The following INTS5 variants were observed in gnomAD, a reference collection of about 807,000 sequenced individuals.
The protein encoded by INTS5 is KIAA1698.
In INTS5, 29 loss-of-function variants were observed where a neutral mutation model predicts 60.0. That is an observed-to-expected ratio of 0.48 (90% CI 0.36 to 0.66). The LOEUF (loss-of-function observed/expected upper bound fraction) is 0.66. INTS5 is among the 30% of genes least tolerant of loss of function. The probability of loss-of-function intolerance (pLI) is 0.00; values close to 1 mark genes in which losing one functional copy is unlikely to be tolerated. For synonymous variants in INTS5, 588 were observed against 558.8 expected, an observed-to-expected ratio of 1.05 and a Z score of -0.74; for missense variants, 1,129 against 1,307.9, an observed-to-expected ratio of 0.86 and a Z score of 2.11.
Position 62,648,850 on chromosome 11 carries a change from C to T in INTS5, c.1230G>A (p.Leu410=), listed in dbSNP as rs1203881180. 1.2e-6 allele frequency: 2 copies of T among 1,613,864 alleles called. No individual in the cohort carries two copies. The highest frequency in any genetic ancestry group is 1.7e-6 in the Non-Finnish European group (2 of 1,180,040). ...GAGAYRLLQF[L]VDTAMPASVI... ...CCGAAGCAGGCATAGCTGTGTCCAC[C>T]AGGAACTGCAGCAAGCGGTAGGCAC... Residue 410 remains leucine (L), a synonymous_variant, in exon 2 of 2, where the codon CTG becomes CTA. Transcript: ENST00000330574. This position sits in a 1 kb window ranked among gnomAD's most constrained non-coding sequence, Gnocchi z 4.4.
intron 1 of INTS5, among the ~76,000 whole-genome samples, chr11:62,650,861 C>T (rs1477484445): frequency 6.6e-6 from 1 of 152,088 alleles, no homozygotes; most frequent in Admixed American, 6.6e-5. Flanking sequence ...GCACATGCCA[C>T]GACACCCAGC....
Position 62,649,695 on chromosome 11 carries a change from G to C in INTS5, c.385C>G (p.Leu129Val). The C allele has an allele frequency of 6.2e-7, 1 of 1,614,214 alleles. No individual in the cohort carries two copies. The highest frequency in any genetic ancestry group is 1.3e-5 in the African/African-American group (1 of 75,060). ...EDVVQEVQQV[L>V]SEFIRANPKA... ...GGGTTGGCCCGGATAAACTCAGACA[G>C]CACCTGCTGCACTTCCTGAACCACA... The change falls in exon 2 of 2, where the codon CTG (leucine) becomes GTG (valine). Residue 129 changes from leucine to valine, a missense_variant. This residue lies in a region of INTS5 where 1,070 missense variants were observed against 1,246.1 expected (regional missense o/e 0.86). Coordinates refer to ENST00000330574, the MANE Select transcript of INTS5 (RefSeq NM_030628.2). The surrounding 1 kb of genome is among the most constrained non-coding windows in gnomAD (Gnocchi z 6.0).
rs1944544978 is a variant in INTS5 at position 62,647,860 on chromosome 11, T to C, written c.2220A>G (p.Pro740=). ...AAACTGACCAAATCCCTCCAGGACCTGGCACAGCTGCAGTGTGCCTCCGGT... is the reference window on the plus strand; with the variant it reads ...AAACTGACCAAATCCCTCCAGGACCCGGCACAGCTGCAGTGTGCCTCCGGT... The part of the protein sequence containing the change: ...DTNRRHTAAV[P]GPGGIWSVFH... Residue 740 remains proline (P), a synonymous_variant, in exon 2 of 2, where the codon CCA becomes CCG. Coordinates refer to ENST00000330574, the MANE Select transcript of INTS5 (RefSeq NM_030628.2). 1 of 1,614,088 alleles carries C rather than the reference T, an allele frequency of 6.2e-7. No individual in the cohort carries two copies. The highest frequency in any genetic ancestry group is 1.7e-5 in the Admixed American group (1 of 60,018).
Position 62,653,279 on chromosome 11 carries a change from A to C in INTS5, c.-30T>G, listed in dbSNP as rs1324686570. ...GAGCCCGAGCCGAGCCCGAGGCGCG[A>C]GCGGCGGAGCGCAGGCGGCGCATGC... On this transcript the variant is annotated 5_prime_UTR_variant, in exon 1 of 2. Coordinates refer to ENST00000330574, the MANE Select transcript of INTS5 (RefSeq NM_030628.2). 1 of 1,237,606 alleles carries C rather than the reference A, an allele frequency of 8.1e-7. No individual in the cohort carries two copies. The highest frequency in any genetic ancestry group is 1.0e-6 in the Non-Finnish European group (1 of 983,392). 76.7% of individuals were successfully genotyped at this position (1,237,606 alleles called of 1,614,324 possible).
At position 62,648,175 on chromosome 11, in the gene INTS5, A is replaced by G; in HGVS notation, c.1905T>C (p.Pro635=). ...AASLLAICPF[P]SEALSPSQLL... ...GCTGGGAGGGGGATAAGGCTTCAGA[A>G]GGAAAGGGACAAATGGCCAGGAGAG... The change falls in exon 2 of 2, where the codon CCT becomes CCC. Residue 635 remains proline, a synonymous_variant. Coordinates refer to ENST00000330574, the MANE Select transcript of INTS5 (RefSeq NM_030628.2). The surrounding 1 kb of genome is among the most constrained non-coding windows in gnomAD (Gnocchi z 4.4). 1 of 1,613,372 alleles carries G rather than the reference A, an allele frequency of 6.2e-7. No individual in the cohort carries two copies. Among genetic ancestry groups the G allele is most frequent in the Non-Finnish European group, 8.5e-7 (1 of 1,179,590 alleles).
rs1477416084 is a variant in INTS5 at position 62,649,123 on chromosome 11, A to C, written c.957T>G (p.Asp319Glu). The C allele has an allele frequency of 1.2e-6, 2 of 1,612,558 alleles. No individual in the cohort carries two copies. Among genetic ancestry groups the C allele is most frequent in the Non-Finnish European group, 1.7e-6 (2 of 1,178,742 alleles). ...IRRELLRMFH[D>E]SLAGGSGGRS... is the part of the protein sequence containing the mutation. ...GGCCTCCAGATCCCCCTGCCAGGCTATCATGGAACATTCGCAGGAGCTCCC... is the reference window on the plus strand; with the variant it reads ...GGCCTCCAGATCCCCCTGCCAGGCTCTCATGGAACATTCGCAGGAGCTCCC... Residue 319 changes from aspartate to glutamate, a missense_variant, in exon 2 of 2, where the codon GAT becomes GAG. By Grantham distance (45) the Asp-to-Glu change is conservative. Around this residue, in one of 3 missense-constraint regions of INTS5, gnomAD observed 1,070 missense variants for 1,246.1 expected, o/e 0.86. Transcript: ENST00000330574. The surrounding 1 kb of genome is among the most constrained non-coding windows in gnomAD (Gnocchi z 6.0).
Position 62,649,553 on chromosome 11 carries a change from A to G in INTS5, c.527T>C (p.Leu176Pro). 1 of 1,614,224 alleles carries G rather than the reference A, an allele frequency of 6.2e-7. No individual in the cohort carries two copies. The highest frequency in any genetic ancestry group is 2.2e-5 in the East Asian group (1 of 44,892). The change falls in exon 2 of 2, where the codon CTG becomes CCG. Residue 176 changes from leucine to proline, a missense_variant. Physicochemically the swap from Leu to Pro is moderately conservative, Grantham distance 98 (BLOSUM62 -3). This residue lies in a region of INTS5 where 1,070 missense variants were observed against 1,246.1 expected (regional missense o/e 0.86). Transcript: ENST00000330574. The surrounding 1 kb of genome is among the most constrained non-coding windows in gnomAD (Gnocchi z 6.0). ...VPHATGALNE[L>P]LQLWMGCRAT... Reference sequence around the variant, plus strand: ...CCTACAACCCATCCACAGCTGTAGCAGTTCATTAAGAGCGCCAGTAGCGTG... The same window carrying G: ...CCTACAACCCATCCACAGCTGTAGCGGTTCATTAAGAGCGCCAGTAGCGTG...
chr11:62,652,566 T>TGTCCCAGGGC (rs540683395), intron 1 of INTS5, among the ~76,000 whole-genome samples: 128 of 152,206 alleles, frequency 8.4e-4, no homozygotes, highest in African/African-American at 3.0e-3. Flanking sequence ...GACATCAGGG[T>TGTCCCAGGGC]GTCCCAGGGC....
In INTS5 at chr11:62,647,096, T is replaced by C. The variant is rs781420277; in HGVS notation, c.2984A>G (p.Asn995Ser). ...LAVLHSVLHRNIDRLGLFSGR... is the reference protein window; with the variant it reads ...LAVLHSVLHRSIDRLGLFSGR... ...AGAGAAAAGACCTAGGCGGTCGATG[T>C]TGCGGTGGAGGACACTGTGCAGCAC... is the stretch of plus-strand genomic sequence containing the variant. The change falls in exon 2 of 2, where the codon AAC becomes AGC. Residue 995 changes from asparagine to serine, a missense_variant. Coordinates refer to ENST00000330574, the MANE Select transcript of INTS5 (RefSeq NM_030628.2). 3.1e-6 allele frequency: 5 copies of C among 1,613,976 alleles called. No homozygotes were observed. The highest frequency in any genetic ancestry group is 4.2e-6 in the Non-Finnish European group (5 of 1,180,032).
chr11:62,652,443 C>A (rs77732455), intron 1 of INTS5, among the ~76,000 whole-genome samples: 1,762 of 150,044 alleles, frequency 0.012, 23 homozygotes, highest in African/African-American at 0.028. Context: ...ATTGTAAGCA[C>A]CTTATTAAGG....
intron 1 of INTS5, among the ~76,000 whole-genome samples, chr11:62,650,451 C>A (rs1382261518): frequency 1.3e-4 from 19 of 144,438 alleles, no homozygotes; most frequent in Non-Finnish European, 2.1e-4. Context: ...CTTGCTTTGT[C>A]GCCCAGGCTG....
rs765363475 is a variant in INTS5, at chr11:62,649,127, T to A, written c.953A>T (p.His318Leu). The change falls in exon 2 of 2, where the codon CAT (histidine) becomes CTT (leucine). Residue 318 changes from histidine to leucine, a missense_variant. His to Leu is a moderately conservative substitution (Grantham distance 99). Transcript: ENST00000330574. This position sits in a 1 kb window ranked among gnomAD's most constrained non-coding sequence, Gnocchi z 6.0. ...SIRRELLRMF[H>L]DSLAGGSGGR... Reference sequence around the variant, plus strand: ...TCCAGATCCCCCTGCCAGGCTATCATGGAACATTCGCAGGAGCTCCCGTCG... The same window carrying A: ...TCCAGATCCCCCTGCCAGGCTATCAAGGAACATTCGCAGGAGCTCCCGTCG... 1.2e-6 allele frequency: 2 copies of A among 1,612,482 alleles called. No homozygotes were observed. Among genetic ancestry groups the A allele is most frequent in the Admixed American group, 3.3e-5 (2 of 59,972 alleles).
chr11:62,647,030 T>G lies in INTS5; in HGVS notation c.3050A>C (p.Gln1017Pro). 1 of 1,609,010 alleles carries G rather than the reference T, an allele frequency of 6.2e-7. No homozygotes were observed. The highest frequency in any genetic ancestry group is 1.3e-5 in the African/African-American group (1 of 74,876). ...CAGAGCAAGAAAAGGCTACGTCCCC[T>G]GTCGAAGGAGAGTGGACGGTGAAGG... ...QAPSPSTLLR[Q>P]GT Residue 1017 changes from glutamine (Q) to proline (P), a missense_variant, in exon 2 of 2, where the codon CAG (glutamine) becomes CCG (proline). This residue lies in a region of INTS5 where 1,070 missense variants were observed against 1,246.1 expected (regional missense o/e 0.86). Coordinates refer to ENST00000330574, the MANE Select transcript of INTS5 (RefSeq NM_030628.2).
chr11:62,649,640 C>T lies in INTS5; in HGVS notation c.440G>A (p.Trp147Ter). The change falls in exon 2 of 2, where the codon TGG (tryptophan) becomes TAG (stop). Residue 147 changes from tryptophan to a stop codon, truncating the protein, a stop_gained. Coordinates refer to ENST00000330574, the MANE Select transcript of INTS5 (RefSeq NM_030628.2). LOFTEE classifies it high-confidence loss of function. The surrounding 1 kb of genome is among the most constrained non-coding windows in gnomAD (Gnocchi z 6.0). ...CAGTTGCCCCATGAGGTCAATGGAC[C>T]ATGCACTAATCACAGGTGCCCAGGC... ...PKAWAPVISA[W>*]SIDLMGQLSS... 1 of 1,614,186 alleles carries T rather than the reference C, an allele frequency of 6.2e-7. No homozygotes were observed. Among genetic ancestry groups the T allele is most frequent in the African/African-American group, 1.3e-5 (1 of 75,058 alleles).
At position 62,648,918 on chromosome 11, in the gene INTS5, A is replaced by ACATGTTGT; in HGVS notation, c.1154_1161dup (p.Leu388ThrfsTer4). 6.2e-7 allele frequency: 1 copy of ACATGTTGT among 1,613,334 alleles called. No individual in the cohort carries two copies. Reference sequence around the variant, plus strand: ...CTCACCAGGTGCACAGCCAGGTTCAACATGTTGTCCAGCTCCTCTCGGGGG... The same window carrying ACATGTTGT: ...CTCACCAGGTGCACAGCCAGGTTCAACATGTTGTCATGTTGTCCAGCTCCTCTCGGGGG... On this transcript the variant is annotated frameshift_variant, in exon 2 of 2. Transcript: ENST00000330574. LOFTEE classifies it high-confidence loss of function. The surrounding 1 kb of genome is among the most constrained non-coding windows in gnomAD (Gnocchi z 4.4).
At position 62,648,251 on chromosome 11, in the gene INTS5, AG is replaced by A; in HGVS notation, c.1828del (p.Leu610TrpfsTer12). On this transcript the variant is annotated frameshift_variant, in exon 2 of 2. Coordinates refer to ENST00000330574, the MANE Select transcript of INTS5 (RefSeq NM_030628.2). LOFTEE classifies it high-confidence loss of function. This position sits in a 1 kb window ranked among gnomAD's most constrained non-coding sequence, Gnocchi z 4.4. The stretch of plus-strand genomic sequence containing the variant: ...CTCAGGATGTAGCAGGAGAGGAGCC[AG>A]GTCAGACAGATGGGCTGAGGCAGAT... The part of the protein sequence containing the change: ...GESASAHLSD[L>X]APLLLHPEEE... 1.2e-6 allele frequency: 2 copies of A among 1,613,834 alleles called. No homozygotes were observed. The highest frequency in any genetic ancestry group is 1.7e-6 in the Non-Finnish European group (2 of 1,180,032).
intron 1 of INTS5, among the ~76,000 whole-genome samples, chr11:62,650,574 G>C (rs572280832): frequency 6.6e-6 from 1 of 151,890 alleles, no homozygotes; most frequent in Non-Finnish European, 1.5e-5. Flanking sequence ...CACCATACCC[G>C]GCTAATTTTT....
Position 62,648,025 on chromosome 11 carries a change from G to A in INTS5, c.2055C>T (p.Leu685=). Residue 685 remains leucine (L), a synonymous_variant, in exon 2 of 2, where the codon CTC becomes CTT. Coordinates refer to ENST00000330574, the MANE Select transcript of INTS5 (RefSeq NM_030628.2). The surrounding 1 kb of genome is among the most constrained non-coding windows in gnomAD (Gnocchi z 4.4). The part of the protein sequence containing the change: ...TRLSQTSPAG[L]KAVLQLLVEG... ...CAACCAGCAGCTGCAGGACAGCCTTGAGCCCAGCTGGGGATGTCTGAGACA... is the reference window on the plus strand; with the variant it reads ...CAACCAGCAGCTGCAGGACAGCCTTAAGCCCAGCTGGGGATGTCTGAGACA... 1.2e-6 allele frequency: 2 copies of A among 1,614,192 alleles called. No homozygotes were observed.
At position 62,647,000 on chromosome 11, in the gene INTS5, G is replaced by A; in HGVS notation, c.*20C>T. ...CTCTCTCACTGCTCAACCTCCCTGG[G>A]CTTCCAGAGCAAGAAAAGGCTACGT... On this transcript the variant is annotated 3_prime_UTR_variant, in exon 2 of 2. Coordinates refer to ENST00000330574, the MANE Select transcript of INTS5 (RefSeq NM_030628.2). 1 of 1,589,194 alleles carries A rather than the reference G, an allele frequency of 6.3e-7. No homozygotes were observed. The highest frequency in any genetic ancestry group is 8.6e-7 in the Non-Finnish European group (1 of 1,161,864).
Sources: allele counts gnomAD v4.1 joint callset (sites outside exome capture counted in the v4.1 genomes callset), GRCh38; gene constraint gnomAD v4.1.1; regional missense constraint gnomAD v4.1.1; non-coding constraint Gnocchi (gnomAD v3.1); transcripts MANE v1.5; gene names NCBI Gene and HGNC (gene_info 2026-07-23, HGNC 2026-07-21).